The following STON1 variants were observed in gnomAD, a reference collection of about 807,000 sequenced individuals.
STON1 encodes stonin-1.
In STON1, 79 loss-of-function variants were observed where a neutral mutation model predicts 60.9. The observed-to-expected ratio is 1.30, with a 90% confidence interval of 1.08 to 1.56. STON1 has a LOEUF of 1.56. STON1 is among the 40% of genes most tolerant of loss of function. The probability of loss-of-function intolerance (pLI) is 0.00; values close to 1 mark genes in which losing one functional copy is unlikely to be tolerated. For missense variants in STON1, 1,166 were observed against 858.9 expected (o/e 1.36, Z -4.47); for synonymous variants, 363 against 306.9 (o/e 1.18, Z -1.91).
At chr2:48,555,557 C>T (rs1270739273) in intron 1 of STON1, among the ~76,000 whole-genome samples, 2 of 65,454 alleles carry the variant, frequency 3.1e-5, no homozygotes, top group East Asian at 1.4e-3. Flanking sequence ...GGCTGACACC[C>T]CCACCTCCCT....
intron 3 of STON1, among the ~76,000 whole-genome samples, chr2:48,594,074 C>T (rs567301899): frequency 3.1e-4 from 47 of 152,304 alleles, no homozygotes; most frequent in African/African-American, 1.1e-3. Flanking sequence ...AGCCTTCATT[C>T]TGACTACATT....
intron 1 of STON1, among the ~76,000 whole-genome samples, chr2:48,557,009 C>T (rs1180645857): frequency 0.034 from 1,702 of 50,540 alleles, no homozygotes; most frequent in Non-Finnish European, 0.044. Context: ...GGCACGGCTG[C>T]CCGGGCGGGG....
intron 1 of STON1, among the ~76,000 whole-genome samples, chr2:48,569,450 G>C (rs947757825): frequency 2.0e-5 from 3 of 151,572 alleles, no homozygotes; most frequent in African/African-American, 7.3e-5. Context: ...ATGATTCTTT[G>C]AACTGGGAGG....
chr2:48,584,412 C>T (rs1037560159), intron 2 of STON1, among the ~76,000 whole-genome samples: 10 of 152,156 alleles, frequency 6.6e-5, no homozygotes, highest in East Asian at 1.9e-4. Context: ...GGACGACAGG[C>T]GTGAGCCACC....
Position 48,582,518 on chromosome 2 carries a change from C to G in STON1, c.1885C>G (p.Gln629Glu). 1 of 1,614,068 alleles carries G rather than the reference C, an allele frequency of 6.2e-7. No individual in the cohort carries two copies. Among genetic ancestry groups the G allele is most frequent in the Non-Finnish European group, 8.5e-7 (1 of 1,179,992 alleles). ...VGSAKYESAY[Q>E]AVVWKIDRLP... ...GTCAGCAAAATATGAGAGTGCCTAC[C>G]AGGCAGTGGTATGGAAGATAGATCG... The change falls in exon 2 of 4, where the codon CAG (glutamine) becomes GAG (glutamate). Residue 629 changes from glutamine to glutamate, a missense_variant. Coordinates refer to ENST00000404752, the MANE Select transcript of STON1 (RefSeq NM_006873.4).
intron 1 of STON1, among the ~76,000 whole-genome samples, chr2:48,552,071 G>A (rs1672128904): frequency 6.6e-6 from 1 of 152,224 alleles, no homozygotes; most frequent in Non-Finnish European, 1.5e-5. Context: ...ATCTGTTGCT[G>A]CAGAGCAGCT....
At chr2:48,560,532 A>C (rs1239206694) in intron 1 of STON1, among the ~76,000 whole-genome samples, 2 of 152,212 alleles carry the variant, frequency 1.3e-5, no homozygotes, top group Non-Finnish European at 2.9e-5. Flanking sequence ...TGCCTGAACG[A>C]AGCCTGCTTG....
intron 1 of STON1, among the ~76,000 whole-genome samples, chr2:48,564,456 T>C (rs1672762201): frequency 1.9e-5 from 1 of 53,718 alleles, no homozygotes; most frequent in African/African-American, 7.0e-5. Flanking sequence ...CTTCTTCTTC[T>C]TCTTCTTCTT....
intron 2 of STON1, among the ~76,000 whole-genome samples, chr2:48,589,275 C>A (rs1389728463): frequency 6.6e-6 from 1 of 152,162 alleles, no homozygotes; most frequent in African/African-American, 2.4e-5. Flanking sequence ...GACTGGATAT[C>A]AACTAGACCT....
At chr2:48,540,429 A>G (rs1280714773) in intron 1 of STON1, among the ~76,000 whole-genome samples, 5 of 152,098 alleles carry the variant, frequency 3.3e-5, no homozygotes, top group Non-Finnish European at 1.5e-5. Context: ...CCCTGGAGGA[A>G]GGAATGCTGA....
intron 1 of STON1, among the ~76,000 whole-genome samples, chr2:48,578,352 A>G (rs568035352): frequency 1.3e-5 from 2 of 152,360 alleles, no homozygotes; most frequent in African/African-American, 4.8e-5. Context: ...CACAGGCTAC[A>G]TGTAGTCCAG....
intron 1 of STON1, among the ~76,000 whole-genome samples, chr2:48,543,454 A>G (rs931370379): frequency 6.6e-6 from 1 of 151,976 alleles, no homozygotes; most frequent in Non-Finnish European, 1.5e-5. Context: ...TTAACCAGAA[A>G]TATCTCTTTG....
chr2:48,563,872 T>C (rs1371089887), intron 1 of STON1, among the ~76,000 whole-genome samples: 15 of 151,744 alleles, frequency 9.9e-5, no homozygotes, highest in Non-Finnish European at 1.5e-5. Context: ...TTTTTTTTTT[T>C]AACTTTTAAT....
chr2:48,580,294 T>C (rs1280185071), intron 1 of STON1, among the ~76,000 whole-genome samples: 2 of 152,234 alleles, frequency 1.3e-5, no homozygotes, highest in African/African-American at 2.4e-5. Flanking sequence ...TCTCCTATGA[T>C]AGTTTTTGAC....
intron 1 of STON1, among the ~76,000 whole-genome samples, chr2:48,564,470 C>CTTCTTCTTCTTCTTCTTCTTCTTCT (rs1672774335): frequency 1.8e-5 from 1 of 54,530 alleles, no homozygotes; most frequent in African/African-American, 7.3e-5. Context: ...TCTTCTTCTT[C>CTTCTTCTTCTTCTTCTTCTTCTTCT]TTCTTCTTCT....
intron 1 of STON1, among the ~76,000 whole-genome samples, chr2:48,553,061 C>G (rs1312700936): frequency 1.3e-5 from 2 of 152,218 alleles, no homozygotes; most frequent in African/African-American, 4.8e-5. Flanking sequence ...CATGGCATCT[C>G]AGACTCTGAC....
At chr2:48,555,504 C>T (rs1672307250) in intron 1 of STON1, among the ~76,000 whole-genome samples, 1 of 84,326 alleles carries the variant, frequency 1.2e-5, no homozygotes. Context: ...GGGGGGCTGA[C>T]CCCCCCACCT....
intron 1 of STON1, among the ~76,000 whole-genome samples, chr2:48,535,161 C>T (rs1333473704): frequency 6.6e-6 from 1 of 151,752 alleles, no homozygotes; most frequent in African/African-American, 2.4e-5. Flanking sequence ...GGGAAAGCAC[C>T]GAGGCTCAAA....
chr2:48,538,353 T>G (rs986972565), intron 1 of STON1, among the ~76,000 whole-genome samples: 1 of 152,196 alleles, frequency 6.6e-6, no homozygotes, highest in Non-Finnish European at 1.5e-5. Context: ...GAACCACTTA[T>G]AAAGGGCATA....
Sources: gnomAD v4.1 joint callset for allele counts (sites outside exome capture counted in the v4.1 genomes callset) on GRCh38, gnomAD v4.1.1 for gene constraint, MANE v1.5 for transcripts, NCBI Gene and HGNC (gene_info 2026-07-23, HGNC 2026-07-21) for gene names.